SNX18: variants seen among roughly 807,000 people sequenced by gnomAD.
SNX18 encodes the protein sorting nexin-18.
Under a neutral mutation model 48.7 loss-of-function variants are expected in SNX18, and 35 were observed. That is an observed-to-expected ratio of 0.72 (90% CI 0.55 to 0.95). The LOEUF (loss-of-function observed/expected upper bound fraction) is 0.95, where lower values mean the gene tolerates loss of function less well. SNX18 is among the 40% of genes least tolerant of loss of function. SNX18 has a pLI of 0.00. For synonymous variants in SNX18, 492 were observed against 384.7 expected (o/e 1.28, Z -3.26); for missense variants, 824 against 871.0 (o/e 0.95, Z 0.68).
rs1762509402 is a variant in SNX18, at chr5:54,543,384, A to T, written c.1827A>T (p.Lys609Asn). The change falls in exon 2 of 2, where the codon AAA becomes AAT. Residue 609 changes from lysine (K) to asparagine (N), a missense_variant. Around this residue, in one of 3 missense-constraint regions of SNX18, gnomAD observed 443 missense variants for 503.6 expected, o/e 0.88. Transcript: ENST00000381410. ...FLQQQIIFFQ[K>N]VTQKLEEALH... ...AACAACAAATAATATTTTTCCAAAA[A>T]GTTACCCAGAAGTTGGAAGAAGCTC... 1.2e-6 allele frequency: 2 copies of T among 1,614,074 alleles called. No individual in the cohort carries two copies. Among genetic ancestry groups the T allele is most frequent in the South Asian group, 2.2e-5 (2 of 91,092 alleles).
chr5:54,528,930 G>T (rs1762199003), intron 1 of SNX18, among the ~76,000 whole-genome samples: 1 of 152,204 alleles, frequency 6.6e-6, no homozygotes, highest in African/African-American at 2.4e-5. Flanking sequence ...ATGTGAATCG[G>T]AATGTCTGTG....
In SNX18 at chr5:54,517,918, C is replaced by A; in HGVS notation, c.-35C>A. 1 of 1,479,470 alleles carries A rather than the reference C, an allele frequency of 6.8e-7. No individual in the cohort carries two copies. Among genetic ancestry groups the A allele is most frequent in the South Asian group, 1.3e-5 (1 of 77,646 alleles). The allele number at this position is 1,479,470 out of a possible 1,614,324, so 91.6% of individuals were successfully genotyped here. On this transcript the variant is annotated 5_prime_UTR_variant, in exon 1 of 2. Transcript: ENST00000381410. The stretch of plus-strand genomic sequence containing the variant: ...TCAGGTGGGCCTCGGCTCGGGACGC[C>A]GGGAGTCGGGACCGCCAGTCGGGGC...
At chr5:54,582,181 G>A in the SNX18 span, among the ~76,000 whole-genome samples, 4 of 152,192 alleles carry the variant, frequency 2.6e-5, no homozygotes, top group African/African-American at 9.6e-5. Flanking sequence ...TGGTCATTTT[G>A]TTAGAAATTA....
chr5:54,619,633 C>A, the SNX18 span, among the ~76,000 whole-genome samples: 3 of 152,022 alleles, frequency 2.0e-5, no homozygotes, highest in African/African-American at 7.2e-5. Context: ...GAAGAAAGTG[C>A]AAACCAAAAA....
intron 1 of SNX18, among the ~76,000 whole-genome samples, chr5:54,526,223 G>A (rs930905635): frequency 6.6e-6 from 1 of 152,130 alleles, no homozygotes; most frequent in African/African-American, 2.4e-5. Flanking sequence ...TCCTGCCTCA[G>A]CCGCCCGAGT....
chr5:54,633,880 A>G, the SNX18 span, among the ~76,000 whole-genome samples: 1 of 152,258 alleles, frequency 6.6e-6, no homozygotes, highest in East Asian at 1.9e-4. Flanking sequence ...GCCTTCATGG[A>G]GCTATTCATC....
At chr5:54,550,236 T>C (rs1009138555), downstream of SNX18, among the ~76,000 whole-genome samples, 1 of 152,216 alleles carries the variant, frequency 6.6e-6, no homozygotes, top group Non-Finnish European at 1.5e-5. Flanking sequence ...GTGTTCTCTG[T>C]ATGAAACAAA....
At chr5:54,526,605 T>A (rs575330480) in intron 1 of SNX18, among the ~76,000 whole-genome samples, 1 of 152,294 alleles carries the variant, frequency 6.6e-6, no homozygotes, top group African/African-American at 2.4e-5. Context: ...CATAGGACCC[T>A]CTAAAAGATA....
At chr5:54,550,310 T>G (rs562149681), downstream of SNX18, among the ~76,000 whole-genome samples, 1 of 152,300 alleles carries the variant, frequency 6.6e-6, no homozygotes, top group East Asian at 1.9e-4. Flanking sequence ...CAAATGTTGC[T>G]TTTTAGTGGC....
At chr5:54,531,791 C>T (rs1194509687) in intron 1 of SNX18, among the ~76,000 whole-genome samples, 3 of 152,114 alleles carry the variant, frequency 2.0e-5, no homozygotes, top group African/African-American at 7.2e-5. Context: ...TCCACAGCCT[C>T]GTGATCGTGA....
chr5:54,637,212 T>C, the SNX18 span, among the ~76,000 whole-genome samples: 1 of 152,096 alleles, frequency 6.6e-6, no homozygotes, highest in African/African-American at 2.4e-5. Flanking sequence ...TGTATCAGAA[T>C]GGAGAGAAGA....
the SNX18 span, among the ~76,000 whole-genome samples, chr5:54,566,117 A>T: frequency 8.5e-5 from 13 of 152,338 alleles, no homozygotes; most frequent in East Asian, 2.5e-3. Flanking sequence ...CAATGGCTAC[A>T]ATCAGAACAA....
the SNX18 span, among the ~76,000 whole-genome samples, chr5:54,587,120 C>G: frequency 1.3e-5 from 2 of 151,968 alleles, no homozygotes; most frequent in Non-Finnish European, 2.9e-5. Flanking sequence ...TGGGGAACAG[C>G]CAGCTCAACA....
the SNX18 span, among the ~76,000 whole-genome samples, chr5:54,630,829 CA>C: frequency 0.41 from 39,029 of 94,128 alleles, 5,437 homozygotes; most frequent in South Asian, 0.47. Flanking sequence ...AAGACTCAGT[CA>C]AAAAAAAAAA....
At chr5:54,591,027 C>T in the SNX18 span, among the ~76,000 whole-genome samples, 2 of 151,962 alleles carry the variant, frequency 1.3e-5, no homozygotes, top group East Asian at 3.9e-4. Context: ...CTCCTTTTTT[C>T]TTCCTTCCCC....
At chr5:54,604,573 A>G in the SNX18 span, among the ~76,000 whole-genome samples, 1 of 152,232 alleles carries the variant, frequency 6.6e-6, no homozygotes, top group Non-Finnish European at 1.5e-5. Context: ...GCAAATTCAT[A>G]GAGACAGAAG....
At chr5:54,619,523 G>A in the SNX18 span, among the ~76,000 whole-genome samples, 10 of 152,116 alleles carry the variant, frequency 6.6e-5, no homozygotes, top group African/African-American at 1.9e-4. Flanking sequence ...AAAATCAGTC[G>A]TACAAACGTA....
chr5:54,537,456 A>G (rs555974119), intron 1 of SNX18, among the ~76,000 whole-genome samples: 1 of 152,312 alleles, frequency 6.6e-6, no homozygotes, highest in East Asian at 1.9e-4. Flanking sequence ...TTACAGTGAC[A>G]TTGTCGTTGG....
chr5:54,543,580 A>G lies in SNX18; in HGVS notation c.*148A>G. 1 of 865,710 alleles carries G rather than the reference A, an allele frequency of 1.2e-6. No individual in the cohort carries two copies. The highest frequency in any genetic ancestry group is 2.6e-5 in the East Asian group (1 of 38,164). The allele number at this position is 865,710 out of a possible 1,614,324, so 53.6% of individuals were successfully genotyped here. A position where few individuals can be genotyped will look rare whatever the true frequency, so the allele number is the denominator to read the frequency against. On this transcript the variant is annotated 3_prime_UTR_variant, in exon 2 of 2. Coordinates refer to ENST00000381410, the MANE Select transcript of SNX18 (RefSeq NM_001102575.2). Reference sequence around the variant, plus strand: ...CTGAAACCCAGCTGAATTTATAATTATGTAGGAAATAAACAGTTAATATGG... The same window carrying G: ...CTGAAACCCAGCTGAATTTATAATTGTGTAGGAAATAAACAGTTAATATGG...
Sources: allele counts gnomAD v4.1 joint callset (sites outside exome capture counted in the v4.1 genomes callset), GRCh38; gene constraint gnomAD v4.1.1; regional missense constraint gnomAD v4.1.1; transcripts MANE v1.5; gene names NCBI Gene and HGNC (gene_info 2026-07-23, HGNC 2026-07-21).